The following TMEM108 variants were observed in gnomAD, a reference collection of about 807,000 sequenced individuals.
The protein encoded by TMEM108 is transmembrane protein 108.
A neutral mutation model predicts 35.1 loss-of-function variants in TMEM108; 12 were observed. The observed-to-expected ratio is 0.34, with a 90% CI of 0.22 to 0.55. The LOEUF is 0.55. Among genes scored for constraint, TMEM108 ranks in the 20% least tolerant of loss-of-function variants. TMEM108 has a pLI of 0.89. For missense variants in TMEM108, 680 were observed against 753.3 expected (o/e 0.90, Z 1.14); for synonymous variants, 287 against 308.6 (o/e 0.93, Z 0.73).
At chr3:133,325,880 CATT>C in intron 3 of TMEM108, among the ~76,000 whole-genome samples, 1 of 151,870 alleles carries the variant, frequency 6.6e-6, no homozygotes, top group East Asian at 1.9e-4. Context: ...GGTGCTATAA[CATT>C]ATGTTTACAT....
chr3:133,273,528 T>C (rs1303722074), intron 3 of TMEM108, among the ~76,000 whole-genome samples: 1 of 151,674 alleles, frequency 6.6e-6, no homozygotes, highest in African/African-American at 2.4e-5. Context: ...GAAGCAGGAG[T>C]GGGTGCTGAC....
intron 3 of TMEM108, among the ~76,000 whole-genome samples, chr3:133,350,720 A>G (rs551435439): frequency 6.6e-6 from 1 of 152,170 alleles, no homozygotes; most frequent in Non-Finnish European, 1.5e-5. Flanking sequence ...ATTCGGCAGT[A>G]ATTCCAGGAA....
intron 2 of TMEM108, among the ~76,000 whole-genome samples, chr3:133,082,274 T>C (rs953335480): frequency 3.9e-5 from 6 of 152,198 alleles, no homozygotes; most frequent in East Asian, 1.9e-4. Context: ...ATATTCACAA[T>C]GATGGTGCAT....
chr3:133,072,019 A>G (rs958045535), intron 2 of TMEM108, among the ~76,000 whole-genome samples: 3 of 152,220 alleles, frequency 2.0e-5, no homozygotes, highest in Admixed American at 2.0e-4. Flanking sequence ...CAAGCGTCCA[A>G]CTTCATTCTT....
chr3:133,309,003 G>T (rs2071085843), intron 3 of TMEM108, among the ~76,000 whole-genome samples: 1 of 152,102 alleles, frequency 6.6e-6, no homozygotes, highest in African/African-American at 2.4e-5. Flanking sequence ...GACTGTTTTT[G>T]GTTGGTGGGC....
chr3:133,166,195 G>A (rs1478882576), intron 2 of TMEM108, among the ~76,000 whole-genome samples: 2 of 152,202 alleles, frequency 1.3e-5, no homozygotes, highest in African/African-American at 2.4e-5. Context: ...TTGTTGGAGG[G>A]TAGGGTTGGG....
intron 3 of TMEM108, among the ~76,000 whole-genome samples, chr3:133,334,458 T>A (rs1291502287): frequency 1.3e-5 from 2 of 152,134 alleles, no homozygotes; most frequent in South Asian, 2.1e-4. Flanking sequence ...ATGGAAAATG[T>A]CATTATGGGT....
intron 3 of TMEM108, among the ~76,000 whole-genome samples, chr3:133,264,274 C>T (rs1011059971): frequency 4.0e-5 from 6 of 151,738 alleles, no homozygotes; most frequent in African/African-American, 4.8e-5. Context: ...CACTGTATTT[C>T]GGCCTAGGCA....
intron 2 of TMEM108, among the ~76,000 whole-genome samples, chr3:133,157,825 T>C (rs1252026928): frequency 1.3e-5 from 2 of 152,220 alleles, no homozygotes; most frequent in Non-Finnish European, 2.9e-5. Flanking sequence ...AATATAGCTC[T>C]CTCAGGGTGT....
intron 2 of TMEM108, among the ~76,000 whole-genome samples, chr3:133,198,017 T>G (rs1022518415): frequency 2.0e-5 from 3 of 152,176 alleles, no homozygotes; most frequent in African/African-American, 7.2e-5. Context: ...AATGGTGGGA[T>G]TAATGCAAAT....
At chr3:133,363,263 T>A (rs909763472) in intron 3 of TMEM108, among the ~76,000 whole-genome samples, 4 of 152,152 alleles carry the variant, frequency 2.6e-5, no homozygotes, top group Non-Finnish European at 4.4e-5. Flanking sequence ...TTCCCCAGTG[T>A]TTCTAATTCA....
At chr3:133,261,855 G>T (rs756710199) in intron 3 of TMEM108, among the ~76,000 whole-genome samples, 31 of 152,174 alleles carry the variant, frequency 2.0e-4, no homozygotes, top group Non-Finnish European at 3.7e-4. Flanking sequence ...ATGTTAATAT[G>T]TTATAGTTAG....
chr3:133,208,048 G>A (rs72997498), intron 2 of TMEM108, among the ~76,000 whole-genome samples: 1,937 of 152,160 alleles, frequency 0.013, 52 homozygotes, highest in African/African-American at 0.044. Flanking sequence ...TTTATCCAAG[G>A]TCACAGTTGT....
At chr3:133,091,857 T>TTA (rs1553732381) in intron 2 of TMEM108, among the ~76,000 whole-genome samples, 9 of 93,862 alleles carry the variant, frequency 9.6e-5, no homozygotes, top group Admixed American at 6.0e-4. Context: ...AGACTTCTTA[T>TTA]AAAAAAAAAA....
chr3:133,262,112 A>G (rs1365759477), intron 3 of TMEM108, among the ~76,000 whole-genome samples: 1 of 152,080 alleles, frequency 6.6e-6, no homozygotes, highest in African/African-American at 2.4e-5. Flanking sequence ...TTCTGCCTCC[A>G]CTCAGCATAG....
At chr3:133,238,787 T>C (rs1019473978) in intron 3 of TMEM108, among the ~76,000 whole-genome samples, 11 of 152,222 alleles carry the variant, frequency 7.2e-5, no homozygotes, top group Non-Finnish European at 1.6e-4. Context: ...GAATTATAAA[T>C]GACATAGTAT....
At chr3:133,288,223 A>AT (rs1947012339) in intron 3 of TMEM108, among the ~76,000 whole-genome samples, 1 of 152,116 alleles carries the variant, frequency 6.6e-6, no homozygotes, top group Non-Finnish European at 1.5e-5. Flanking sequence ...CCCTAAACTG[A>AT]TTTTTCCTAA....
intron 2 of TMEM108, among the ~76,000 whole-genome samples, chr3:133,212,626 GGA>G (rs1327780513): frequency 6.6e-6 from 1 of 152,020 alleles, no homozygotes; most frequent in East Asian, 1.9e-4. Context: ...CAGTACTTTG[GGA>G]GGCCAAGGCA....
At chr3:133,167,245 G>C (rs1945054056) in intron 2 of TMEM108, among the ~76,000 whole-genome samples, 1 of 152,232 alleles carries the variant, frequency 6.6e-6, no homozygotes, top group African/African-American at 2.4e-5. Context: ...AGTGCTGATT[G>C]GTGCATATAC....
Sources: gnomAD v4.1 joint callset for allele counts (sites outside exome capture counted in the v4.1 genomes callset) on GRCh38, gnomAD v4.1.1 for gene constraint, MANE v1.5 for transcripts, NCBI Gene and HGNC (gene_info 2026-07-23, HGNC 2026-07-21) for gene names.